METTL4: variants seen among roughly 807,000 people sequenced by gnomAD.
METTL4 encodes N(6)-adenine-specific methyltransferase METTL4.
Under a neutral mutation model 54.0 loss-of-function variants are expected in METTL4, and 40 were observed. That is an observed-to-expected ratio of 0.74 (90% confidence interval 0.58 to 0.96). METTL4 has a LOEUF of 0.96. Ranked by LOEUF, METTL4 falls within the 50% of genes least tolerant of loss-of-function variation. METTL4 has a pLI of 0.00. For missense variants in METTL4, 525 were observed against 549.0 expected (o/e 0.96, Z 0.44); for synonymous variants, 169 against 183.8 (o/e 0.92, Z 0.65).
chr18:2,559,203 T>C (rs1168664833), intron 3 of METTL4, among the ~76,000 whole-genome samples: 1 of 152,076 alleles, frequency 6.6e-6, no homozygotes, highest in East Asian at 1.9e-4. Context: ...AGCCAAAAGG[T>C]AGAAACTACG....
rs1461452611 is a variant in METTL4, at chr18:2,540,367, G to A, written c.1274-1222C>T. 6.1e-6 allele frequency: 6 copies of A among 980,776 alleles called. No individual in the cohort carries two copies. The African/African-American group carries it at 8.8e-5, about 14-fold the overall frequency. The allele number at this position is 980,776 out of a possible 1,614,324, so 60.8% of individuals were successfully genotyped here. Reference sequence around the variant, plus strand: ...TTGCTATGTAAGATTGCGCTTGGAAGAAATCTATCAAATTTAGGAATGATA... The same window carrying A: ...TTGCTATGTAAGATTGCGCTTGGAAAAAATCTATCAAATTTAGGAATGATA... On this transcript the variant is annotated intron_variant, in intron 8 of 8. Transcript: ENST00000574538.
intron 6 of METTL4, among the ~76,000 whole-genome samples, chr18:2,546,260 G>T (rs1468165655): frequency 6.6e-6 from 1 of 152,028 alleles, no homozygotes; most frequent in East Asian, 1.9e-4. Context: ...CCAGAGATAG[G>T]TAAGTACAGT....
At position 2,554,914 on chromosome 18, in the gene METTL4, G is replaced by A. The variant is rs773766704; in HGVS notation, c.584C>T (p.Ala195Val). The A allele has an allele frequency of 1.2e-6, 2 of 1,614,014 alleles. No homozygotes were observed. The highest frequency in any genetic ancestry group is 2.2e-5 in the South Asian group (2 of 91,080). ...GSKPITLPLD[A>V]CSLSELCEMA... ...TTCACATAATTCTGACAAACTGCAG[G>A]CGTCAAGTGGTAAAGTAATGGGCTT... Residue 195 changes from alanine (A) to valine (V), a missense_variant, in exon 4 of 9, where the codon GCC becomes GTC. Physicochemically the swap from Ala to Val is moderately conservative, Grantham distance 64. Transcript: ENST00000574538.
chr18:2,552,763 A>G lies in METTL4; in HGVS notation c.831T>C (p.Tyr277=), dbSNP rs1263787512. 6.2e-7 allele frequency: 1 copy of G among 1,604,890 alleles called. No individual in the cohort carries two copies. Among genetic ancestry groups the G allele is most frequent in the Non-Finnish European group, 8.5e-7 (1 of 1,173,888 alleles). ...TCACAATTACATCAAATGTTTTCCT[A>G]TCTGAAAACAAAGATACAATTTCAG... ...DISCMQPLLN[Y]RKTFDVIVID... is the part of the protein sequence containing the mutation. Residue 277 remains tyrosine, a splice_region_variant and synonymous_variant, in exon 5 of 9, where the codon TAT becomes TAC. Coordinates refer to ENST00000574538, the MANE Select transcript of METTL4 (RefSeq NM_022840.5).
chr18:2,540,797 G>A (rs1368064338), intron 8 of METTL4: 12 of 985,286 alleles, frequency 1.2e-5, no homozygotes, highest in African/African-American at 5.2e-5. Flanking sequence ...AGGTTACGCT[G>A]AAGAAAGGTT....
At chr18:2,539,815 A>G (rs898679563) in intron 8 of METTL4, 25 of 946,428 alleles carry the variant, frequency 2.6e-5, no homozygotes, top group Non-Finnish European at 3.0e-5. Flanking sequence ...CCATACATGA[A>G]AAAGAGCTCT....
At chr18:2,551,016 T>C (rs1031251886) in intron 5 of METTL4, among the ~76,000 whole-genome samples, 1 of 151,042 alleles carries the variant, frequency 6.6e-6, no homozygotes, top group African/African-American at 2.4e-5. Context: ...TACAAAAAAT[T>C]AGCCGGGCGT....
chr18:2,561,450 G>A (rs2072315229), intron 3 of METTL4: 1 of 152,154 alleles, frequency 6.6e-6, no homozygotes, highest in African/African-American at 2.4e-5. Flanking sequence ...ATGTTTTGGG[G>A]CGGAATCACC....
chr18:2,544,937 G>T (rs1457451203), intron 6 of METTL4, among the ~76,000 whole-genome samples, 178 bp from the exon 7 acceptor site: 6 of 151,520 alleles, frequency 4.0e-5, no homozygotes, highest in African/African-American at 1.5e-4. Context: ...AAAAAAAAAT[G>T]CAATGAAATC....
chr18:2,543,254 A>G (rs1017576468), intron 8 of METTL4, among the ~76,000 whole-genome samples: 3 of 152,172 alleles, frequency 2.0e-5, no homozygotes, highest in Non-Finnish European at 2.9e-5. Context: ...ACTGCCTCAT[A>G]TTCTGCAAGG....
At chr18:2,570,930 T>C (rs2072494234) in intron 1 of METTL4, among the ~76,000 whole-genome samples, 1 of 152,204 alleles carries the variant, frequency 6.6e-6, no homozygotes, top group South Asian at 2.1e-4. Context: ...CTGTTACTGT[T>C]GTTAGTGCAC....
intron 8 of METTL4, chr18:2,540,034 T>A (rs979271903): frequency 8.2e-6 from 8 of 977,464 alleles, no homozygotes; most frequent in Non-Finnish European, 9.7e-6. Flanking sequence ...GATCCTTCTT[T>A]ACCTAAAATT....
intron 8 of METTL4, among the ~76,000 whole-genome samples, chr18:2,543,215 AT>A (rs1165362750): frequency 6.6e-6 from 1 of 152,104 alleles, no homozygotes; most frequent in African/African-American, 2.4e-5. Flanking sequence ...AGGAATTTGT[AT>A]TCACTTTCTC....
At chr18:2,564,219 T>G (rs905955201) in intron 2 of METTL4, among the ~76,000 whole-genome samples, 4 of 148,402 alleles carry the variant, frequency 2.7e-5, no homozygotes, top group African/African-American at 5.0e-5. Flanking sequence ...CCGGCTAACA[T>G]GGTGAAACCC....
At chr18:2,554,581 A>G in intron 4 of METTL4, 88 bp downstream of exon 4, 2 of 1,186,634 alleles carry the variant, frequency 1.7e-6, no homozygotes, top group African/African-American at 3.1e-5. Context: ...ATAAATGCTG[A>G]CCCATCTTCA....
chr18:2,548,960 T>A (rs1054646924), intron 5 of METTL4, among the ~76,000 whole-genome samples: 20 of 152,188 alleles, frequency 1.3e-4, no homozygotes, highest in Admixed American at 5.9e-4. Context: ...GTTTATAAAA[T>A]CCATTATCAG....
intron 1 of METTL4, among the ~76,000 whole-genome samples, chr18:2,567,950 T>C (rs902957449): frequency 6.6e-6 from 1 of 151,942 alleles, no homozygotes; most frequent in African/African-American, 2.4e-5. Flanking sequence ...AGGTTAAGAG[T>C]CTAGATCTGT....
At chr18:2,551,022 G>A (rs1426136402) in intron 5 of METTL4, among the ~76,000 whole-genome samples, 2 of 151,224 alleles carry the variant, frequency 1.3e-5, no homozygotes, top group African/African-American at 4.9e-5. Flanking sequence ...AAATTAGCCG[G>A]GCGTGGTAGC....
At chr18:2,547,638 CTATT>C in intron 5 of METTL4, 109 bp from the exon 6 acceptor site, 2 of 753,072 alleles carry the variant, frequency 2.7e-6, no homozygotes, top group Non-Finnish European at 4.0e-6. Context: ...GCTCTTACTG[CTATT>C]TATTTGTGTA....
Sources: allele counts gnomAD v4.1 joint callset (sites outside exome capture counted in the v4.1 genomes callset), GRCh38; gene constraint gnomAD v4.1.1; transcripts MANE v1.5; gene names NCBI Gene and HGNC (gene_info 2026-07-23, HGNC 2026-07-21).